Variants in CCBE1 observed in about 807,000 individuals in gnomAD.
The protein encoded by CCBE1 is collagen and calcium binding EGF domains 1.
Under a neutral mutation model 50.0 loss-of-function variants are expected in CCBE1, and 37 were observed. The observed-to-expected ratio is 0.74, with a 90% CI of 0.57 to 0.97. CCBE1 has a LOEUF of 0.97. Ranked by LOEUF, CCBE1 falls within the 50% of genes least tolerant of loss-of-function variation. The pLI is 0.00. For synonymous variants in CCBE1, 234 were observed against 203.7 expected (o/e 1.15, Z -1.27); for missense variants, 538 against 523.8 (o/e 1.03, Z -0.26).
intron 2 of CCBE1, among the ~76,000 whole-genome samples, chr18:59,540,161 T>C (rs1915413923): frequency 6.6e-6 from 1 of 152,328 alleles, no homozygotes; most frequent in East Asian, 1.9e-4. Context: ...TCTGAAAAAT[T>C]GATAAACTTA....
At chr18:59,625,347 T>C (rs1419200420) in intron 2 of CCBE1, among the ~76,000 whole-genome samples, 7 of 146,076 alleles carry the variant, frequency 4.8e-5, no homozygotes. Context: ...AGGAGAATGG[T>C]GTGAATCCGG....
intron 2 of CCBE1, among the ~76,000 whole-genome samples, chr18:59,575,564 G>C (rs2052982902): frequency 1.3e-5 from 2 of 152,202 alleles, no homozygotes; most frequent in Non-Finnish European, 2.9e-5. Flanking sequence ...GATCAATGCT[G>C]ACAAAGGATG....
rs111242793 is a variant in CCBE1 at position 59,547,077 on chromosome 18, G to C, written c.213-66839C>G. Among the ~76,000 whole-genome samples, 353 of 49,430 alleles carry C rather than the reference G, an allele frequency of 7.1e-3. 1 individual carries two copies. The highest frequency in any genetic ancestry group is 0.017 in the Middle Eastern group (2 of 118). 32.4% of individuals were successfully genotyped at this position (49,430 alleles called of 152,430 possible). A position where few individuals can be genotyped will look rare whatever the true frequency, so the allele number is the denominator to read the frequency against. On this transcript the variant is annotated intron_variant, in intron 2 of 10. Transcript: ENST00000439986. ...GGGGAGAGAGGGGGAGAGAGGGGGA[G>C]AGAAAGGGAGAGAGAGGGAGGTAGG...
At chr18:59,496,592 C>T (rs2143823081) in intron 2 of CCBE1, among the ~76,000 whole-genome samples, 1 of 152,300 alleles carries the variant, frequency 6.6e-6, no homozygotes, top group Middle Eastern at 3.4e-3. Flanking sequence ...ACAGATCCAT[C>T]ACCTTTACCA....
intron 7 of CCBE1, among the ~76,000 whole-genome samples, chr18:59,446,829 G>A (rs1910692500): frequency 6.6e-6 from 1 of 152,132 alleles, no homozygotes; most frequent in African/African-American, 2.4e-5. Flanking sequence ...TATTCTATTT[G>A]CATATGCTCT....
intron 2 of CCBE1, among the ~76,000 whole-genome samples, chr18:59,554,318 A>G (rs1270175094): frequency 6.6e-6 from 1 of 152,182 alleles, no homozygotes; most frequent in Non-Finnish European, 1.5e-5. Context: ...AAAAGCTTGA[A>G]TCTGGAGTAA....
At chr18:59,517,805 T>G (rs1434723957) in intron 2 of CCBE1, among the ~76,000 whole-genome samples, 1 of 152,212 alleles carries the variant, frequency 6.6e-6, no homozygotes, top group East Asian at 1.9e-4. Flanking sequence ...CCACAACTAC[T>G]GAAAGTCTCA....
At chr18:59,659,695 T>C (rs112357958) in intron 2 of CCBE1, among the ~76,000 whole-genome samples, 1,835 of 152,278 alleles carry the variant, frequency 0.012, 14 homozygotes, top group Non-Finnish European at 0.02. Flanking sequence ...CTGAGCCTGA[T>C]GACAGTGCCC....
intron 2 of CCBE1, among the ~76,000 whole-genome samples, chr18:59,486,816 G>A (rs1912844019): frequency 6.6e-6 from 1 of 152,040 alleles, no homozygotes; most frequent in Non-Finnish European, 1.5e-5. Flanking sequence ...GCAACAAGAA[G>A]CAAGAGGTAT....
At chr18:59,634,979 G>A (rs1408628409) in intron 2 of CCBE1, among the ~76,000 whole-genome samples, 1 of 152,074 alleles carries the variant, frequency 6.6e-6, no homozygotes, top group Non-Finnish European at 1.5e-5. Context: ...AGAAACAGAA[G>A]ATAACAGCTG....
chr18:59,695,037 G>A (rs2054786391), intron 2 of CCBE1, among the ~76,000 whole-genome samples: 1 of 152,174 alleles, frequency 6.6e-6, no homozygotes, highest in East Asian at 1.9e-4. Context: ...GCTTTAAGAA[G>A]TCTGGAAAAG....
chr18:59,510,957 C>T (rs888901854), intron 2 of CCBE1, among the ~76,000 whole-genome samples: 1 of 152,104 alleles, frequency 6.6e-6, no homozygotes, highest in Non-Finnish European at 1.5e-5. Flanking sequence ...TCAGGAGCAT[C>T]GGTGGTGAGA....
chr18:59,446,082 T>C (rs1910655197), intron 7 of CCBE1, among the ~76,000 whole-genome samples: 1 of 152,164 alleles, frequency 6.6e-6, no homozygotes, highest in South Asian at 2.1e-4. Context: ...CACTAGAAGT[T>C]AAGAGAGAGA....
chr18:59,564,396 G>T (rs546616470), intron 2 of CCBE1, among the ~76,000 whole-genome samples: 6 of 152,210 alleles, frequency 3.9e-5, no homozygotes, highest in African/African-American at 1.4e-4. Flanking sequence ...TAAACACTGT[G>T]TTTTTACTTT....
chr18:59,519,043 T>G (rs1914490393), intron 2 of CCBE1, among the ~76,000 whole-genome samples: 1 of 152,182 alleles, frequency 6.6e-6, no homozygotes, highest in Non-Finnish European at 1.5e-5. Context: ...AAGTGCTCCT[T>G]GGGATAACCT....
At chr18:59,675,449 A>G (rs559129157) in intron 2 of CCBE1, among the ~76,000 whole-genome samples, 2 of 152,192 alleles carry the variant, frequency 1.3e-5, no homozygotes, top group African/African-American at 4.8e-5. Context: ...TCTCCCCCAC[A>G]CATGGGACTA....
intron 2 of CCBE1, among the ~76,000 whole-genome samples, chr18:59,499,414 C>T (rs577503733): frequency 6.6e-5 from 10 of 152,200 alleles, no homozygotes; most frequent in Admixed American, 3.9e-4. Flanking sequence ...CTGATAGAGA[C>T]ATACCTGAGA....
intron 2 of CCBE1, among the ~76,000 whole-genome samples, chr18:59,491,584 C>T (rs1231744869): frequency 4.2e-5 from 6 of 143,710 alleles, no homozygotes; most frequent in Middle Eastern, 4.0e-3. Context: ...GAAGCCAAGG[C>T]GGGCGGATCA....
At chr18:59,454,198 T>G (rs922848925) in intron 6 of CCBE1, among the ~76,000 whole-genome samples, 8 of 152,198 alleles carry the variant, frequency 5.3e-5, no homozygotes, top group African/African-American at 1.9e-4. Context: ...ATGTATTCCC[T>G]AAGGCACATA....
Sources: allele counts gnomAD v4.1 joint callset (sites outside exome capture counted in the v4.1 genomes callset), GRCh38; gene constraint gnomAD v4.1.1; transcripts MANE v1.5; gene names NCBI Gene and HGNC (gene_info 2026-07-23, HGNC 2026-07-21).